Variants in RAD51B observed in about 807,000 individuals in gnomAD.
RAD51B encodes the protein DNA repair protein RAD51 homolog 2.
In RAD51B, 38 loss-of-function variants were observed where a neutral mutation model predicts 42.2. The observed-to-expected ratio is 0.90, with a 90% CI of 0.70 to 1.18. The LOEUF is 1.18. RAD51B is among the 50% of genes most tolerant of loss of function. RAD51B has a pLI of 0.00. For synonymous variants in RAD51B, 154 were observed against 145.2 expected (o/e 1.06, Z -0.43); for missense variants, 373 against 400.7 (o/e 0.93, Z 0.59).
At chr14:68,110,479 T>C (rs2077443235) in intron 7 of RAD51B, among the ~76,000 whole-genome samples, 1 of 152,056 alleles carries the variant, frequency 6.6e-6, no homozygotes, top group Non-Finnish European at 1.5e-5. Context: ...CAAAGTGGCA[T>C]TACTTACTTT....
In RAD51B at chr14:68,477,910, T is replaced by C. The variant is rs1053505423; in HGVS notation, c.*246T>C. 42 of 1,298,396 alleles carry C rather than the reference T, an allele frequency of 3.2e-5. No homozygotes were observed. Among genetic ancestry groups the C allele is most frequent in the Non-Finnish European group, 3.9e-5 (40 of 1,023,880 alleles). 80.4% of individuals were successfully genotyped at this position (1,298,396 alleles called of 1,614,324 possible). A position where few individuals can be genotyped will look rare whatever the true frequency, so the allele number is the denominator to read the frequency against. ...TGTAGGGCTGAGGGCTTTGCCGCCA[T>C]GGGATGTCAACAGCCATAATAATAA... On this transcript the variant is annotated 3_prime_UTR_variant, in exon 11 of 11. Coordinates refer to ENST00000471583, the MANE Select transcript of RAD51B (RefSeq NM_133510.4).
chr14:68,123,969 T>A (rs1595433367), intron 7 of RAD51B, among the ~76,000 whole-genome samples: 1 of 152,332 alleles, frequency 6.6e-6, no homozygotes, highest in East Asian at 1.9e-4. Context: ...CTGTGTTTCT[T>A]CAGGCTCTAA....
At position 68,655,131 on chromosome 14, in the gene RAD51B, G is replaced by GTGTGTT. The variant is rs1491445073; in HGVS notation, c.*11+4280_*11+4281insTTGTGT. Among the ~76,000 whole-genome samples, 10 of 32,710 alleles carry GTGTGTT rather than the reference G, an allele frequency of 3.1e-4. No individual in the cohort carries two copies. The Admixed American group carries it at 3.5e-3, about 12-fold the overall frequency. 21.5% of individuals were successfully genotyped at this position (32,710 alleles called of 152,430 possible). A position where few individuals can be genotyped will look rare whatever the true frequency, so the allele number is the denominator to read the frequency against. ...GGTTGTGCCAGGAGGCAAATGGTGA[G>GTGTGTT]TGTGTGTGTGTGTGTGTGTGTATGT... On this transcript the variant is annotated intron_variant, in intron 11 of 11. Coordinates refer to the RAD51B transcript ENST00000488612.
chr14:68,097,555 C>T (rs1323031530), intron 7 of RAD51B, among the ~76,000 whole-genome samples: 1 of 152,190 alleles, frequency 6.6e-6, no homozygotes, highest in East Asian at 1.9e-4. Flanking sequence ...AGCTTTAAAG[C>T]AGGTTCTTTT....
Position 68,155,483 on chromosome 14 carries a change from C to T in RAD51B, c.757-136401C>T, listed in dbSNP as rs564360561. On this transcript the variant is annotated intron_variant, in intron 7 of 10. Transcript: ENST00000471583. ...CTGAGATTACAGGCATGAGCCACCG[C>T]GCCCGGCCTATATTTCTTTATAGAG... Among the ~76,000 whole-genome samples the T allele has an allele frequency of 3.3e-5, 5 of 152,156 alleles. No individual in the cohort carries two copies. In the East Asian group the frequency reaches 5.8e-4, roughly 18 times the overall value.
chr14:68,279,651 C>T (rs1470483136), intron 7 of RAD51B, among the ~76,000 whole-genome samples: 1 of 152,182 alleles, frequency 6.6e-6, no homozygotes, highest in Non-Finnish European at 1.5e-5. Context: ...TGCGCTGGTT[C>T]CCAAATATAT....
At chr14:68,612,782 G>T (rs182454501), downstream of RAD51B, among the ~76,000 whole-genome samples, 2 of 148,536 alleles carry the variant, frequency 1.3e-5, no homozygotes, top group Non-Finnish European at 3.0e-5. Context: ...TTTATGTTAC[G>T]TATATTTGAC....
Position 68,629,758 on chromosome 14 carries a change from A to G in RAD51B, c.1037-21023A>G, listed in dbSNP as rs1379827883. Among the ~76,000 whole-genome samples the G allele has an allele frequency of 7.9e-5, 12 of 152,232 alleles. No homozygotes were observed. The South Asian group carries it at 1.0e-3, about 13-fold the overall frequency. ...CTTACATTCCCCAGCTGCAAAAAGC[A>G]TACATACGTCCTAAGATATTTATTT... On this transcript the variant is annotated intron_variant, in intron 10 of 11. Transcript: ENST00000488612.
chr14:68,353,492 G>T (rs915262380), intron 8 of RAD51B, among the ~76,000 whole-genome samples: 1 of 152,146 alleles, frequency 6.6e-6, no homozygotes, highest in Non-Finnish European at 1.5e-5. Context: ...CTAGAATATT[G>T]CCACAGAAAT....
At chr14:68,665,447 A>G (rs1008159164) in intron 11 of RAD51B, among the ~76,000 whole-genome samples, 4 of 152,242 alleles carry the variant, frequency 2.6e-5, no homozygotes, top group Non-Finnish European at 5.9e-5. Context: ...CCTATTAGTC[A>G]TATGTGTGAA....
chr14:68,137,427 A>T (rs1428515078), intron 7 of RAD51B, among the ~76,000 whole-genome samples: 1 of 152,218 alleles, frequency 6.6e-6, no homozygotes, highest in Non-Finnish European at 1.5e-5. Flanking sequence ...TGAGAATTTT[A>T]AAATCAAAGT....
At chr14:68,608,273 A>C (rs1028763076) in intron 10 of RAD51B, among the ~76,000 whole-genome samples, 1 of 152,220 alleles carries the variant, frequency 6.6e-6, no homozygotes, top group African/African-American at 2.4e-5. Context: ...AAGAGAATCA[A>C]ACTGAGCTGA....
At chr14:67,904,494 T>A (rs1345697722) in intron 7 of RAD51B, among the ~76,000 whole-genome samples, 1 of 150,662 alleles carries the variant, frequency 6.6e-6, no homozygotes, top group Non-Finnish European at 1.5e-5. Flanking sequence ...ATTTCTCTAA[T>A]GATTAGGAAT....
At chr14:68,064,181 A>C (rs1349884755) in intron 7 of RAD51B, among the ~76,000 whole-genome samples, 1 of 152,156 alleles carries the variant, frequency 6.6e-6, no homozygotes, top group Non-Finnish European at 1.5e-5. Context: ...CTTAGGAAAG[A>C]CTTTATTTCT....
intron 8 of RAD51B, among the ~76,000 whole-genome samples, chr14:68,363,532 A>T (rs1305460783): frequency 6.6e-6 from 1 of 151,900 alleles, no homozygotes; most frequent in Non-Finnish European, 1.5e-5. Context: ...GGGCCTCCTC[A>T]TTGGAGTGTG....
rs190334697 is a variant in RAD51B at position 68,442,512 on chromosome 14, C to T, written c.958-25660C>T. 4.0e-3 allele frequency among the ~76,000 whole-genome samples: 548 copies of T among 138,712 alleles called. 13 individuals are homozygous for T. Among genetic ancestry groups the T allele is most frequent in the Non-Finnish European group, 1.1e-3 (75 of 66,164 alleles). 91.0% of individuals were successfully genotyped at this position (138,712 alleles called of 152,430 possible). Reference sequence around the variant, plus strand: ...CTGGAGAGCAGTGGCGCGATTTCAGCTCACTGCAACCTCCGCCTCCTGGGT... The same window carrying T: ...CTGGAGAGCAGTGGCGCGATTTCAGTTCACTGCAACCTCCGCCTCCTGGGT... On this transcript the variant is annotated intron_variant, in intron 9 of 10. Transcript: ENST00000471583.
chr14:68,614,470 T>C (rs1417192798), downstream of RAD51B, among the ~76,000 whole-genome samples: 1 of 152,218 alleles, frequency 6.6e-6, no homozygotes, highest in Admixed American at 6.5e-5. Context: ...CCGAATATTT[T>C]CATCACCCCC....
chr14:68,053,152 T>C (rs970835048), intron 7 of RAD51B, among the ~76,000 whole-genome samples: 1 of 152,214 alleles, frequency 6.6e-6, no homozygotes, highest in Non-Finnish European at 1.5e-5. Flanking sequence ...TTTTAAATAC[T>C]GATTAGTTCT....
At chr14:68,581,492 T>C (rs1890206694) in intron 10 of RAD51B, among the ~76,000 whole-genome samples, 1 of 151,988 alleles carries the variant, frequency 6.6e-6, no homozygotes, top group Non-Finnish European at 1.5e-5. Context: ...TCATCATAAG[T>C]CAAGGAGCAT....
Sources: gnomAD v4.1 joint callset for allele counts (sites outside exome capture counted in the v4.1 genomes callset) on GRCh38, gnomAD v4.1.1 for gene constraint, MANE v1.5 for transcripts, NCBI Gene and HGNC (gene_info 2026-07-23, HGNC 2026-07-21) for gene names.